HEPH: variants seen among roughly 807,000 people sequenced by gnomAD.
HEPH encodes hephaestin.
HEPH carries 69 observed loss-of-function variants against 80.8 expected under a neutral mutation model. The ratio of observed to expected loss-of-function variants is 0.85; its 90% CI spans 0.70 to 1.04. The LOEUF (loss-of-function observed/expected upper bound fraction) is 1.04, where lower values mean the gene tolerates loss of function less well. Among genes scored for constraint, HEPH ranks in the 50% least tolerant of loss-of-function variants. HEPH has a pLI of 0.00. For synonymous variants in HEPH, 431 were observed against 322.8 expected (o/e 1.34, Z -3.60); for missense variants, 1,115 against 891.3 (o/e 1.25, Z -3.20).
At chrX:66,265,694 C>G (rs985182319) in intron 20 of HEPH, among the ~76,000 whole-genome samples, 1 of 111,553 alleles carries the variant, frequency 9.0e-6, no homozygotes, top group African/African-American at 3.3e-5. Flanking sequence ...AAAGTGTGTT[C>G]AGACAAAGGG....
rs1301194282 is a variant in HEPH at position 66,233,780 on chromosome X, G to T, written c.2564-21255G>T. On this transcript the variant is annotated intron_variant, in intron 15 of 20. Transcript: ENST00000343002. ...CAAAAAGCATAACATGGAAATCAAG[G>T]CATCCATCAAATTTATGTACTGAAC... Among the ~76,000 whole-genome samples the T allele has an allele frequency of 2.7e-5, 3 of 110,103 alleles. No homozygotes were observed. In the Admixed American group the frequency reaches 2.9e-4, roughly 11 times the overall value.
Position 66,189,927 on chromosome X carries a change from G to T in HEPH, c.1052G>T (p.Ser351Ile), listed in dbSNP as rs866826269. 1 of 1,178,651 alleles carries T rather than the reference G, an allele frequency of 8.5e-7. No individual in the cohort carries two copies. The highest frequency in any genetic ancestry group is 1.9e-5 in the South Asian group (1 of 53,336). Residue 351 changes from serine (S) to isoleucine (I), a missense_variant, in exon 6 of 21, where the codon AGT (serine) becomes ATT (isoleucine). Physicochemically the swap from Ser to Ile is moderately radical, Grantham distance 142 (BLOSUM62 -2). Transcript: ENST00000343002. ...TGGTTAATTAGCTGCCAAGTGAACA[G>T]TCACTTTCGAGGTGAGATCCAACAT... Reference protein sequence around the residue: ...GTWLISCQVNSHFRDGMQALY... With the variant: ...GTWLISCQVNIHFRDGMQALY...
At chrX:66,190,837 C>T (rs1269197240) in intron 6 of HEPH, among the ~76,000 whole-genome samples, 2 of 111,162 alleles carry the variant, frequency 1.8e-5, no homozygotes, top group Admixed American at 1.9e-4. Flanking sequence ...ATGTCTTAGC[C>T]CCAAAGCTTC....
rs371379945 is a variant in HEPH, at chrX:66,266,431, C to G, written c.3245-9C>G. 121 of 1,179,250 alleles carry G rather than the reference C, an allele frequency of 1.0e-4. No individual in the cohort carries two copies. The highest frequency in any genetic ancestry group is 1.3e-4 in the Non-Finnish European group (118 of 877,248). ...CCCAGGATGCCCATTTTTTTTTTCT[C>G]CATTTCAGCAGTGCCCCCCAGAGAC... On this transcript the variant is annotated splice_polypyrimidine_tract_variant and intron_variant, in intron 20 of 20. Coordinates refer to ENST00000343002, the MANE Select transcript of HEPH (RefSeq NM_001367233.3).
In HEPH at chrX:66,203,414, A is replaced by T. The variant is rs1359812600; in HGVS notation, c.2128A>T (p.Arg710Trp). Reference sequence around the variant, plus strand: ...AGGCAGCCATCGAGAAGCAGGGATGAGGGCAATCTATAATGTCTCCCAGTG... The same window carrying T: ...AGGCAGCCATCGAGAAGCAGGGATGTGGGCAATCTATAATGTCTCCCAGTG... ...QAGSHREAGM[R>W]AIYNVSQCPG... The change falls in exon 13 of 21, where the codon AGG becomes TGG. Residue 710 changes from arginine to tryptophan, a missense_variant. Transcript: ENST00000343002. 1.7e-6 allele frequency: 2 copies of T among 1,210,401 alleles called. No individual in the cohort carries two copies. The highest frequency in any genetic ancestry group is 2.2e-6 in the Non-Finnish European group (2 of 895,074).
chrX:66,176,581 G>T (rs1410131148), intron 4 of HEPH, among the ~76,000 whole-genome samples: 1 of 111,383 alleles, frequency 9.0e-6, no homozygotes, highest in Non-Finnish European at 1.9e-5. Flanking sequence ...CATGTGCCAT[G>T]TTGGTGCGCT....
intron 3 of HEPH, 48 bp from the exon 4 acceptor site, chrX:66,173,541 C>T (rs193302643): frequency 3.0e-5 from 29 of 955,577 alleles, no homozygotes; most frequent in African/African-American, 1.2e-4. Context: ...GTATTTGCCA[C>T]GGTCCCTCAC....
At chrX:66,180,461 T>C (rs1258484312) in intron 4 of HEPH, among the ~76,000 whole-genome samples, 1 of 111,350 alleles carries the variant, frequency 9.0e-6, no homozygotes, top group Non-Finnish European at 1.9e-5. Flanking sequence ...TTGTAGAGTT[T>C]CTGCTGAGAA....
chrX:66,248,448 G>A (rs748915607), intron 15 of HEPH, among the ~76,000 whole-genome samples: 7 of 111,615 alleles, frequency 6.3e-5, no homozygotes, highest in South Asian at 7.4e-4. Context: ...CAATTCTTGC[G>A]TTAATGTAGC....
chrX:66,257,859 A>T (rs371188003), intron 17 of HEPH, among the ~76,000 whole-genome samples: 1 of 111,808 alleles, frequency 8.9e-6, no homozygotes, highest in East Asian at 2.8e-4. Context: ...GAACATAAGA[A>T]GTGGGGGAAA....
chrX:66,195,452 A>C (rs1456223237), intron 9 of HEPH, among the ~76,000 whole-genome samples: 4 of 111,555 alleles, frequency 3.6e-5, no homozygotes, highest in Non-Finnish European at 7.5e-5. Flanking sequence ...TTTAAAAATA[A>C]GTTTATTATA....
intron 15 of HEPH, among the ~76,000 whole-genome samples, chrX:66,250,381 C>T (rs1426143400): frequency 9.0e-6 from 1 of 111,605 alleles, no homozygotes; most frequent in Non-Finnish European, 1.9e-5. Context: ...TACCTCTAAA[C>T]TCCTGTAGTT....
At chrX:66,263,095 A>T (rs1276632044) in intron 19 of HEPH, among the ~76,000 whole-genome samples, 1 of 111,443 alleles carries the variant, frequency 9.0e-6, no homozygotes, top group Non-Finnish European at 1.9e-5. Flanking sequence ...CTGCTAGCTA[A>T]CAATAACAAG....
chrX:66,199,285 G>T (rs2088284980), intron 11 of HEPH, among the ~76,000 whole-genome samples: 1 of 110,712 alleles, frequency 9.0e-6, no homozygotes, highest in South Asian at 3.9e-4. Flanking sequence ...AAATCTACAA[G>T]AGATTGTGAA....
chrX:66,265,161 A>C (rs1310810313), intron 20 of HEPH, among the ~76,000 whole-genome samples: 3 of 110,998 alleles, frequency 2.7e-5, no homozygotes, highest in Non-Finnish European at 5.7e-5. Flanking sequence ...GTCTTCTCTC[A>C]GTTGTGTTAG....
chrX:66,203,878 G>T (rs774347461), intron 13 of HEPH, among the ~76,000 whole-genome samples: 1 of 112,592 alleles, frequency 8.9e-6, no homozygotes, highest in South Asian at 3.7e-4. Flanking sequence ...TCAAGGGATT[G>T]AATGTCTCAA....
At chrX:66,195,275 A>G (rs1325774212) in intron 9 of HEPH, 46 bp downstream of exon 9, 13 of 1,018,980 alleles carry the variant, frequency 1.3e-5, no homozygotes, top group Admixed American at 3.7e-5. Context: ...AGGTGGTACC[A>G]TGTGTCTCTA....
At chrX:66,252,979 A>G in intron 15 of HEPH, among the ~76,000 whole-genome samples, 1 of 112,690 alleles carries the variant, frequency 8.9e-6, no homozygotes, top group African/African-American at 3.2e-5. Flanking sequence ...ACCTAAATAT[A>G]AAAGCTAAAG....
chrX:66,235,092 T>C (rs1269863134), intron 15 of HEPH, among the ~76,000 whole-genome samples: 3 of 111,731 alleles, frequency 2.7e-5, no homozygotes, highest in Non-Finnish European at 5.6e-5. Context: ...AGATATTGAA[T>C]ATTAGACCCT....
Sources: allele counts gnomAD v4.1 joint callset (sites outside exome capture counted in the v4.1 genomes callset), GRCh38; gene constraint gnomAD v4.1.1; transcripts MANE v1.5; gene names NCBI Gene and HGNC (gene_info 2026-07-23, HGNC 2026-07-21).